PKNOX2: variants seen among roughly 807,000 people sequenced by gnomAD.
PKNOX2 encodes PBX/knotted 1 homeobox 2.
PKNOX2 carries 14 observed loss-of-function variants against 53.1 expected under a neutral mutation model. The ratio of observed to expected loss-of-function variants is 0.26; its 90% CI spans 0.17 to 0.41. The LOEUF is 0.41. Among genes scored for constraint, PKNOX2 ranks in the 10% least tolerant of loss-of-function variants. The pLI is 1.00. For missense variants in PKNOX2, 496 were observed against 602.8 expected (o/e 0.82, Z 1.85); for synonymous variants, 257 against 242.8 (o/e 1.06, Z -0.54).
intron 6 of PKNOX2, among the ~76,000 whole-genome samples, chr11:125,391,988 C>T (rs1954076802): frequency 6.6e-6 from 1 of 151,928 alleles, no homozygotes; most frequent in Non-Finnish European, 1.5e-5. Flanking sequence ...GACAAAAATC[C>T]AAAATTGTAA....
At chr11:125,235,356 A>C (rs1348009316) in intron 2 of PKNOX2, among the ~76,000 whole-genome samples, 1 of 152,200 alleles carries the variant, frequency 6.6e-6, no homozygotes, top group Non-Finnish European at 1.5e-5. Context: ...GGTGGACTTG[A>C]TGTGTTACAT....
At chr11:125,279,360 T>C (rs1182575136) in intron 2 of PKNOX2, among the ~76,000 whole-genome samples, 4 of 152,122 alleles carry the variant, frequency 2.6e-5, no homozygotes, top group Non-Finnish European at 4.4e-5. Flanking sequence ...GCTCAAAACC[T>C]AGCGGGGAAC....
At position 125,280,252 on chromosome 11, in the gene PKNOX2, C is replaced by T. The variant is rs564842027; in HGVS notation, c.-130+45137C>T. 2.8e-3 allele frequency among the ~76,000 whole-genome samples: 433 copies of T among 152,192 alleles called. 1 individual carries two copies. The highest frequency in any genetic ancestry group is 3.7e-3 in the Non-Finnish European group (251 of 68,010). ...TATTCCCAGTACAGTTTTTAAACTC[C>T]GGCTTTGATATGCACCTCGTGACAG... On this transcript the variant is annotated intron_variant, in intron 2 of 12. Transcript: ENST00000298282.
At chr11:125,175,442 C>T (rs768692146) in intron 1 of PKNOX2, among the ~76,000 whole-genome samples, 3 of 152,174 alleles carry the variant, frequency 2.0e-5, no homozygotes, top group Non-Finnish European at 2.9e-5. Context: ...CAGGTAAAGG[C>T]AGAAGAAGGA....
At chr11:125,262,973 G>T (rs1041048894) in intron 2 of PKNOX2, among the ~76,000 whole-genome samples, 1 of 152,156 alleles carries the variant, frequency 6.6e-6, no homozygotes, top group Non-Finnish European at 1.5e-5. Context: ...CGGGAGTAAT[G>T]CTGGTTAAAT....
At chr11:125,210,808 TC>T (rs998454428) in intron 1 of PKNOX2, among the ~76,000 whole-genome samples, 4 of 152,098 alleles carry the variant, frequency 2.6e-5, no homozygotes, top group African/African-American at 4.8e-5. Flanking sequence ...GTGTGAATTT[TC>T]TTCTGGAGTG....
chr11:125,248,682 A>G (rs1943745448), intron 2 of PKNOX2, among the ~76,000 whole-genome samples: 1 of 148,416 alleles, frequency 6.7e-6, no homozygotes, highest in African/African-American at 2.5e-5. Flanking sequence ...CATGTTATGT[A>G]TGTTATATAT....
intron 2 of PKNOX2, among the ~76,000 whole-genome samples, chr11:125,294,780 A>G (rs1947543013): frequency 6.6e-6 from 1 of 152,236 alleles, no homozygotes; most frequent in Non-Finnish European, 1.5e-5. Context: ...TCTACTGTGC[A>G]AGGCTGTTGT....
At chr11:125,188,414 G>A (rs1368982090) in intron 1 of PKNOX2, among the ~76,000 whole-genome samples, 3 of 152,210 alleles carry the variant, frequency 2.0e-5, no homozygotes, top group African/African-American at 7.2e-5. Context: ...GATTCACTGT[G>A]ACTGACAAGA....
intron 5 of PKNOX2, among the ~76,000 whole-genome samples, chr11:125,373,434 T>G (rs932844112): frequency 6.6e-6 from 1 of 152,180 alleles, no homozygotes; most frequent in East Asian, 1.9e-4. Context: ...ACTAAAACTT[T>G]CTGTGACTCA....
At position 125,260,506 on chromosome 11, in the gene PKNOX2, G is replaced by GT. The variant is rs539466838; in HGVS notation, c.-130+25399dup. Among the ~76,000 whole-genome samples the GT allele has an allele frequency of 4.7e-3, 709 of 152,126 alleles. 8 individuals carry two copies. Among genetic ancestry groups the GT allele is most frequent in the South Asian group, 0.01 (49 of 4,804 alleles). On this transcript the variant is annotated intron_variant, in intron 2 of 12. Coordinates refer to ENST00000298282, the MANE Select transcript of PKNOX2 (RefSeq NM_001382323.2). ...GCCACCATGCCCAGCCTGTTTTATG[G>GT]TTTTTTTTAATCAGAAAGGTGATTG...
chr11:125,245,666 G>A (rs1322281349), intron 2 of PKNOX2, among the ~76,000 whole-genome samples: 6 of 152,230 alleles, frequency 3.9e-5, no homozygotes, highest in Non-Finnish European at 8.8e-5. Context: ...GTAAGCTCAG[G>A]CTGCTGCTGA....
In PKNOX2 at chr11:125,430,032, A is replaced by G. The variant is rs375632728; in HGVS notation, c.1083A>G (p.Lys361=). Residue 361 remains lysine, a synonymous_variant, in exon 12 of 13, where the codon AAA becomes AAG. Coordinates refer to ENST00000298282, the MANE Select transcript of PKNOX2 (RefSeq NM_001382323.2). ...CCAGCAACCCAGATCCTGCCCCCAA[A>G]GCCAAGAAGATCAAGTCTCAGCACC... ...LDASNPDPAP[K]AKKIKSQHRP... 3.7e-5 allele frequency: 59 copies of G among 1,614,118 alleles called. No homozygotes were observed. In the African/African-American group the frequency reaches 7.3e-4, roughly 20 times the overall value.
intron 11 of PKNOX2, among the ~76,000 whole-genome samples, chr11:125,429,709 C>T (rs756903012): frequency 9.2e-5 from 14 of 152,188 alleles, no homozygotes; most frequent in Non-Finnish European, 1.9e-4. Context: ...CTCCGTTCAA[C>T]CTGGAAGGTC....
chr11:125,214,950 C>T (rs1349263291), intron 1 of PKNOX2, among the ~76,000 whole-genome samples: 1 of 152,004 alleles, frequency 6.6e-6, no homozygotes, highest in African/African-American at 2.4e-5. Context: ...CCCCCAGGGG[C>T]CTGCGGGGTC....
chr11:125,255,823 C>T (rs891321698), intron 2 of PKNOX2, among the ~76,000 whole-genome samples: 2 of 151,782 alleles, frequency 1.3e-5, no homozygotes, highest in Admixed American at 1.3e-4. Context: ...CAGAGTCTCC[C>T]AAGTTCAGCA....
At chr11:125,236,864 A>G (rs948269407) in intron 2 of PKNOX2, among the ~76,000 whole-genome samples, 1 of 152,246 alleles carries the variant, frequency 6.6e-6, no homozygotes, top group African/African-American at 2.4e-5. Flanking sequence ...AAGGCCAGTG[A>G]GGGCTGGATT....
At chr11:125,231,757 G>T (rs1428974524) in intron 1 of PKNOX2, among the ~76,000 whole-genome samples, 2 of 152,114 alleles carry the variant, frequency 1.3e-5, no homozygotes, top group African/African-American at 2.4e-5. Flanking sequence ...GAGAGAAAAT[G>T]ATGCTCCGTT....
intron 5 of PKNOX2, among the ~76,000 whole-genome samples, chr11:125,369,802 G>A (rs1952427489): frequency 6.6e-6 from 1 of 152,220 alleles, no homozygotes; most frequent in Non-Finnish European, 1.5e-5. Flanking sequence ...GGGAGCATAA[G>A]GAGGGAAGGG....
Sources: gnomAD v4.1 joint callset for allele counts (sites outside exome capture counted in the v4.1 genomes callset) on GRCh38, gnomAD v4.1.1 for gene constraint, MANE v1.5 for transcripts, NCBI Gene and HGNC (gene_info 2026-07-23, HGNC 2026-07-21) for gene names.